Variants in ATP8B4 observed in about 807,000 individuals in gnomAD.
ATP8B4 encodes probable phospholipid-transporting ATPase IM.
Under a neutral mutation model 145.6 loss-of-function variants are expected in ATP8B4, and 133 were observed. The ratio of observed to expected loss-of-function variants is 0.91; its 90% CI spans 0.79 to 1.05. ATP8B4 has a LOEUF of 1.05. ATP8B4 is among the 50% of genes least tolerant of loss of function. The pLI is 0.00. For missense variants in ATP8B4, 1,458 were observed against 1,425.2 expected, an observed-to-expected ratio of 1.02 and a Z score of -0.37; for synonymous variants, 507 against 492.9, an observed-to-expected ratio of 1.03 and a Z score of -0.38.
chr15:50,180,217 AT>A (rs1185165923), intron 1 of ATP8B4, among the ~76,000 whole-genome samples: 1 of 152,100 alleles, frequency 6.6e-6, no homozygotes, highest in African/African-American at 2.4e-5. Context: ...TAAGAAAAAG[AT>A]TCCTGTACTT....
At chr15:49,917,943 C>T (rs182127977) in intron 19 of ATP8B4, among the ~76,000 whole-genome samples, 53 of 152,210 alleles carry the variant, frequency 3.5e-4, no homozygotes, top group African/African-American at 1.2e-3. Context: ...AGTAACACAC[C>T]GGAGTGCTCA....
intron 1 of ATP8B4, among the ~76,000 whole-genome samples, chr15:50,173,025 TCCGGGAGGTGGGGGCAGCCTCCG>T (rs1567418764): frequency 8.5e-6 from 1 of 117,622 alleles, no homozygotes; most frequent in Non-Finnish European, 1.8e-5. Flanking sequence ...GCAGCCCCCA[TCCGGGAGGTGGGGGCAGCCTCCG>T]CCCGGCCAGC....
At chr15:50,051,551 T>C (rs756354193) in intron 3 of ATP8B4, among the ~76,000 whole-genome samples, 2 of 152,218 alleles carry the variant, frequency 1.3e-5, no homozygotes, top group Non-Finnish European at 2.9e-5. Context: ...TATTGCAGTA[T>C]GTTAACTACT....
chr15:50,098,197 G>A (rs1431933267), intron 2 of ATP8B4, among the ~76,000 whole-genome samples: 10 of 133,518 alleles, frequency 7.5e-5, no homozygotes, highest in Admixed American at 7.2e-4. Flanking sequence ...AAGCTGCCAA[G>A]AAAAAATTAA....
At chr15:50,047,712 T>TG (rs1567261499) in intron 3 of ATP8B4, among the ~76,000 whole-genome samples, 1 of 152,170 alleles carries the variant, frequency 6.6e-6, no homozygotes, top group Non-Finnish European at 1.5e-5. Context: ...AGTCTACCCC[T>TG]GAGATTTCTG....
intron 20 of ATP8B4, among the ~76,000 whole-genome samples, chr15:49,911,559 G>A (rs1056654199): frequency 1.3e-5 from 2 of 152,032 alleles, no homozygotes; most frequent in African/African-American, 2.4e-5. Flanking sequence ...TAGATCTAAA[G>A]GGAGAAGTAG....
chr15:50,120,005 G>A (rs1046772412), upstream of ATP8B4, among the ~76,000 whole-genome samples: 1 of 152,132 alleles, frequency 6.6e-6, no homozygotes, highest in Non-Finnish European at 1.5e-5. Flanking sequence ...GGGATTAGAT[G>A]AAAATAAAAT....
intron 6 of ATP8B4, among the ~76,000 whole-genome samples, chr15:50,014,317 C>T (rs922064807): frequency 1.3e-5 from 2 of 152,154 alleles, no homozygotes; most frequent in Non-Finnish European, 2.9e-5. Flanking sequence ...TTCCCTTGCT[C>T]ATACACTTTT....
At chr15:50,070,725 T>C (rs1223156857) in intron 3 of ATP8B4, among the ~76,000 whole-genome samples, 1 of 151,312 alleles carries the variant, frequency 6.6e-6, no homozygotes, top group African/African-American at 2.4e-5. Context: ...CTTGGTTTTT[T>C]GTGTTGTGTT....
At chr15:49,960,217 G>A (rs1308658392) in intron 14 of ATP8B4, among the ~76,000 whole-genome samples, 2 of 151,954 alleles carry the variant, frequency 1.3e-5, no homozygotes, top group Admixed American at 6.6e-5. Context: ...AGTACAGACG[G>A]GGTTTCACCA....
chr15:50,172,191 G>T (rs372983053), intron 1 of ATP8B4, among the ~76,000 whole-genome samples: 3 of 152,142 alleles, frequency 2.0e-5, no homozygotes, highest in Non-Finnish European at 4.4e-5. Context: ...CTCTGATGCC[G>T]AGCGGAGGCT....
At chr15:50,008,529 T>C (rs1025605075) in intron 7 of ATP8B4, among the ~76,000 whole-genome samples, 4 of 152,228 alleles carry the variant, frequency 2.6e-5, no homozygotes, top group African/African-American at 9.6e-5. Context: ...TGCTCTTCAA[T>C]TGCACTTGTG....
chr15:50,087,329 ATTTATAT>A (rs1399969940), intron 2 of ATP8B4, among the ~76,000 whole-genome samples: 2 of 33,438 alleles, frequency 6.0e-5, no homozygotes, highest in African/African-American at 5.9e-4. Context: ...ATAGATCTAT[ATTTATAT>A]ATAATATAGA....
intron 14 of ATP8B4, among the ~76,000 whole-genome samples, chr15:49,951,992 C>A (rs1405079924): frequency 1.3e-5 from 2 of 152,122 alleles, no homozygotes; most frequent in Admixed American, 6.6e-5. Flanking sequence ...GTTGAAAATT[C>A]TTTTCTTTAA....
At chr15:50,042,031 T>TGTAG (rs1308296981) in intron 5 of ATP8B4, among the ~76,000 whole-genome samples, 1 of 151,906 alleles carries the variant, frequency 6.6e-6, no homozygotes, top group Non-Finnish European at 1.5e-5. Context: ...AGCATACACC[T>TGTAG]GTAGTCCCAG....
chr15:50,041,438 T>C (rs910418663), intron 5 of ATP8B4, among the ~76,000 whole-genome samples: 2 of 152,228 alleles, frequency 1.3e-5, no homozygotes, highest in African/African-American at 4.8e-5. Context: ...TTGATTAGGC[T>C]TGAGAAGTAG....
chr15:49,987,659 G>T, intron 9 of ATP8B4, 110 bp from the exon 10 acceptor site: 2 of 1,124,384 alleles, frequency 1.8e-6, no homozygotes, highest in Non-Finnish European at 2.5e-6. Context: ...ACAGCCTGGG[G>T]TTACATATAA....
chr15:50,097,006 A>G (rs1168802582), intron 2 of ATP8B4, among the ~76,000 whole-genome samples: 2 of 152,206 alleles, frequency 1.3e-5, no homozygotes, highest in Non-Finnish European at 2.9e-5. Flanking sequence ...CTAAGAAAAT[A>G]GATGACTTTT....
intron 26 of ATP8B4, among the ~76,000 whole-genome samples, chr15:49,864,094 C>T (rs971940052): frequency 1.3e-5 from 2 of 152,182 alleles, no homozygotes; most frequent in Non-Finnish European, 2.9e-5. Context: ...CCAATATGCT[C>T]ATTCTTACTC....
Sources: gnomAD v4.1 joint callset for allele counts (sites outside exome capture counted in the v4.1 genomes callset) on GRCh38, gnomAD v4.1.1 for gene constraint, MANE v1.5 for transcripts, NCBI Gene and HGNC (gene_info 2026-07-23, HGNC 2026-07-21) for gene names.